PKIB: variants seen among roughly 807,000 people sequenced by gnomAD.
PKIB encodes the protein PKI-beta.
PKIB carries 2 observed loss-of-function variants against 4.5 expected under a neutral mutation model. That is an observed-to-expected ratio of 0.44 (90% CI 0.18 to 1.39). The LOEUF is 1.39. PKIB is among the 40% of genes most tolerant of loss of function. The pLI is 0.27. For missense variants in PKIB, 94 were observed against 92.6 expected (o/e 1.02, Z -0.06); for synonymous variants, 38 against 36.0 (o/e 1.06, Z -0.20).
At chr6:122,576,689 A>AAAAAAATATATAT (rs1345822382) in intron 2 of PKIB, among the ~76,000 whole-genome samples, 3 of 34,312 alleles carry the variant, frequency 8.7e-5, no homozygotes, top group Non-Finnish European at 9.3e-5. Flanking sequence ...AAAAAAAAAA[A>AAAAAAATATATAT]ATATATATAT....
At chr6:122,580,818 G>A (rs755611642) in intron 2 of PKIB, among the ~76,000 whole-genome samples, 1 of 152,126 alleles carries the variant, frequency 6.6e-6, no homozygotes, top group African/African-American at 2.4e-5. Flanking sequence ...AAACAGGAAG[G>A]GTTGTTTGTT....
At chr6:122,692,605 G>A (rs1215513591) in intron 3 of PKIB, among the ~76,000 whole-genome samples, 1 of 151,892 alleles carries the variant, frequency 6.6e-6, no homozygotes, top group Non-Finnish European at 1.5e-5. Context: ...TCTGGCCCAT[G>A]GCAGGTCCAG....
chr6:122,545,312 A>C (rs1028177183), intron 2 of PKIB, among the ~76,000 whole-genome samples: 7 of 152,054 alleles, frequency 4.6e-5, no homozygotes, highest in Non-Finnish European at 8.8e-5. Context: ...GTAGCCATAA[A>C]GAAGAATGAG....
At chr6:122,595,008 G>C (rs1774134117) in intron 3 of PKIB, among the ~76,000 whole-genome samples, 1 of 152,134 alleles carries the variant, frequency 6.6e-6, no homozygotes, top group Non-Finnish European at 1.5e-5. Flanking sequence ...CAGTTTAATG[G>C]GATCGTTGTT....
chr6:122,551,805 C>T (rs1212976475), intron 2 of PKIB, among the ~76,000 whole-genome samples: 1 of 144,050 alleles, frequency 6.9e-6, no homozygotes, highest in Admixed American at 6.9e-5. Flanking sequence ...TCCAGTATTT[C>T]TACTGGGTTA....
chr6:122,560,619 A>C (rs1020190674), intron 2 of PKIB, among the ~76,000 whole-genome samples: 4 of 152,070 alleles, frequency 2.6e-5, no homozygotes, highest in Non-Finnish European at 4.4e-5. Flanking sequence ...ATTGATACCA[A>C]TTCTTCTCTG....
chr6:122,678,896 A>G (rs1415651770), intron 3 of PKIB, among the ~76,000 whole-genome samples: 2 of 152,212 alleles, frequency 1.3e-5, no homozygotes, highest in Non-Finnish European at 2.9e-5. Flanking sequence ...CTAAGTCTTA[A>G]TAAAGAGAGC....
chr6:122,499,128 C>A (rs1374463979), intron 2 of PKIB, among the ~76,000 whole-genome samples: 1 of 152,112 alleles, frequency 6.6e-6, no homozygotes, highest in African/African-American at 2.4e-5. Context: ...CTAATTCTAC[C>A]AGACATACAA....
At chr6:122,516,213 A>G (rs887920324) in intron 2 of PKIB, among the ~76,000 whole-genome samples, 1 of 152,182 alleles carries the variant, frequency 6.6e-6, no homozygotes, top group African/African-American at 2.4e-5. Context: ...GGAAGACTGT[A>G]CTGTAAGTAT....
intron 3 of PKIB, among the ~76,000 whole-genome samples, chr6:122,706,177 G>A (rs1280110328): frequency 6.6e-6 from 1 of 152,110 alleles, no homozygotes; most frequent in Non-Finnish European, 1.5e-5. Flanking sequence ...GGCTCTGTGT[G>A]TGTTCTACAG....
chr6:122,484,781 GCAAA>G (rs1477941212), intron 2 of PKIB, among the ~76,000 whole-genome samples: 13 of 152,150 alleles, frequency 8.5e-5, no homozygotes, highest in Admixed American at 7.9e-4. Flanking sequence ...AAATGTTAAA[GCAAA>G]CTAAATATGG....
intron 2 of PKIB, chr6:122,484,203 CTT>C (rs1359707976): frequency 1.3e-5 from 2 of 152,038 alleles, no homozygotes; most frequent in Admixed American, 6.6e-5. Context: ...AAAAACCACT[CTT>C]GCAGTAAATA....
At chr6:122,719,707 C>T (rs78263293) in intron 4 of PKIB, among the ~76,000 whole-genome samples, 6,794 of 137,168 alleles carry the variant, frequency 0.05, 331 homozygotes, top group African/African-American at 0.13. Flanking sequence ...TGAGTGTTCC[C>T]ACCACACATA....
intron 3 of PKIB, among the ~76,000 whole-genome samples, chr6:122,596,543 C>A (rs1774184444): frequency 6.6e-6 from 1 of 152,200 alleles, no homozygotes; most frequent in Non-Finnish European, 1.5e-5. Flanking sequence ...GCACCCAGTT[C>A]ATGATAGGCA....
intron 2 of PKIB, among the ~76,000 whole-genome samples, chr6:122,673,653 G>A (rs962420342): frequency 6.6e-6 from 1 of 152,148 alleles, no homozygotes; most frequent in Non-Finnish European, 1.5e-5. Context: ...GGTAAAATAC[G>A]CATTCAGGCA....
At chr6:122,495,034 C>T (rs1776038601) in intron 2 of PKIB, among the ~76,000 whole-genome samples, 1 of 152,198 alleles carries the variant, frequency 6.6e-6, no homozygotes, top group Non-Finnish European at 1.5e-5. Flanking sequence ...AGGATGCAGC[C>T]ACAGTGCTGA....
intron 3 of PKIB, among the ~76,000 whole-genome samples, chr6:122,688,214 TG>T (rs529505531): frequency 4.1e-4 from 63 of 152,314 alleles, no homozygotes; most frequent in African/African-American, 1.3e-3. Flanking sequence ...AATGATCATA[TG>T]TTTTTTTGTC....
At chr6:122,527,514 G>A (rs571574094) in intron 2 of PKIB, among the ~76,000 whole-genome samples, 22 of 151,954 alleles carry the variant, frequency 1.4e-4, no homozygotes, top group Non-Finnish European at 2.9e-4. Context: ...CGTTATTTTT[G>A]TGTCTCTGAG....
intron 3 of PKIB, among the ~76,000 whole-genome samples, chr6:122,597,896 C>T (rs1478175982): frequency 6.6e-6 from 1 of 152,116 alleles, no homozygotes; most frequent in Non-Finnish European, 1.5e-5. Flanking sequence ...ATTACCTGAC[C>T]TCCGTAAGCC....
Sources: allele counts gnomAD v4.1 joint callset (sites outside exome capture counted in the v4.1 genomes callset), GRCh38; gene constraint gnomAD v4.1.1; transcripts MANE v1.5; gene names NCBI Gene and HGNC (gene_info 2026-07-23, HGNC 2026-07-21).